Variants in AUTS2 observed in about 807,000 individuals in gnomAD.
AUTS2 encodes activator of transcription and developmental regulator AUTS2, also known as autism susceptibility gene 2 protein.
AUTS2 carries 17 observed loss-of-function variants against 112.4 expected under a neutral mutation model. That is an observed-to-expected ratio of 0.15 (90% confidence interval 0.10 to 0.23). AUTS2 has a LOEUF of 0.23. Ranked by LOEUF, AUTS2 falls within the 10% of genes least tolerant of loss-of-function variation. The probability of loss-of-function intolerance (pLI) is 1.00; values close to 1 mark genes in which losing one functional copy is unlikely to be tolerated. For synonymous variants in AUTS2, 751 were observed against 702.7 expected (o/e 1.07, Z -1.09); for missense variants, 1,510 against 1,701.6 (o/e 0.89, Z 1.98).
chr7:69,862,627 A>G (rs1408220873), intron 1 of AUTS2, among the ~76,000 whole-genome samples: 1 of 152,144 alleles, frequency 6.6e-6, no homozygotes, highest in Non-Finnish European at 1.5e-5. Context: ...ATGACATTGT[A>G]TCTTCAAAGT....
At chr7:70,462,850 G>A (rs1006922801) in intron 5 of AUTS2, among the ~76,000 whole-genome samples, 21 of 152,026 alleles carry the variant, frequency 1.4e-4, no homozygotes, top group African/African-American at 4.6e-4. Flanking sequence ...ACAGCTACTC[G>A]GGAGGCTGAG....
chr7:70,582,861 A>G (rs563178807), intron 5 of AUTS2, among the ~76,000 whole-genome samples: 5 of 152,258 alleles, frequency 3.3e-5, no homozygotes, highest in Non-Finnish European at 5.9e-5. Flanking sequence ...TATATAACCT[A>G]GATTATGTCC....
chr7:70,116,368 CA>C (rs1805357297), intron 2 of AUTS2, among the ~76,000 whole-genome samples: 1 of 152,068 alleles, frequency 6.6e-6, no homozygotes, highest in Non-Finnish European at 1.5e-5. Flanking sequence ...ATGGTATAAC[CA>C]AAAGTGAGGT....
chr7:70,204,519 C>T (rs989251756), intron 4 of AUTS2, among the ~76,000 whole-genome samples: 1 of 152,042 alleles, frequency 6.6e-6, no homozygotes, highest in Non-Finnish European at 1.5e-5. Flanking sequence ...ATAGAGATTT[C>T]TCAGAATTAA....
At chr7:69,722,249 G>A (rs1798994588) in intron 1 of AUTS2, among the ~76,000 whole-genome samples, 1 of 152,040 alleles carries the variant, frequency 6.6e-6, no homozygotes, top group South Asian at 2.1e-4. Context: ...TCTTGGAACT[G>A]TTCCTTTTTT....
intron 6 of AUTS2, chr7:70,729,052 C>T: frequency 2.4e-6 from 1 of 409,740 alleles, no homozygotes; most frequent in South Asian, 1.8e-5. Flanking sequence ...GAGCCACTTT[C>T]TGTTCTTTGT....
At chr7:70,380,062 G>T (rs1793298502) in intron 4 of AUTS2, among the ~76,000 whole-genome samples, 1 of 152,204 alleles carries the variant, frequency 6.6e-6, no homozygotes, top group Non-Finnish European at 1.5e-5. Context: ...CAAAGAGTCT[G>T]AAGTGGTTTG....
At chr7:70,136,653 G>C (rs944913004) in intron 4 of AUTS2, among the ~76,000 whole-genome samples, 3 of 152,148 alleles carry the variant, frequency 2.0e-5, no homozygotes, top group African/African-American at 7.2e-5. Context: ...CTCAGCTTCA[G>C]GTAAGTGAAA....
At chr7:70,552,522 G>GA (rs1262883728) in intron 5 of AUTS2, among the ~76,000 whole-genome samples, 1 of 152,170 alleles carries the variant, frequency 6.6e-6, no homozygotes, top group Non-Finnish European at 1.5e-5. Context: ...GTTGTGCTTG[G>GA]AAAATAGAAG....
chr7:70,554,393 CTT>C (rs34757734), intron 5 of AUTS2, among the ~76,000 whole-genome samples: 58 of 116,044 alleles, frequency 5.0e-4, no homozygotes, highest in Admixed American at 5.6e-4. Flanking sequence ...TCTTTTCTTT[CTT>C]TTTTTTTTTT....
At chr7:70,132,094 G>A (rs936494356) in intron 3 of AUTS2, among the ~76,000 whole-genome samples, 5 of 146,570 alleles carry the variant, frequency 3.4e-5, no homozygotes, top group African/African-American at 7.6e-5. Flanking sequence ...TCGATCACAA[G>A]AGGGTTTTTC....
chr7:69,696,482 G>A (rs756363978), intron 1 of AUTS2, among the ~76,000 whole-genome samples: 5 of 152,102 alleles, frequency 3.3e-5, no homozygotes, highest in African/African-American at 4.8e-5. Flanking sequence ...TGTCATTGAA[G>A]TCTCCATGTG....
chr7:70,295,275 T>C lies in AUTS2; in HGVS notation c.661-140477T>C, dbSNP rs116624850. Reference sequence around the variant, plus strand: ...GTGGCATTCTAGTGGCCTCCAAGAGTTGAGTACTTTATTCTGATCAGAGTC... The same window carrying C: ...GTGGCATTCTAGTGGCCTCCAAGAGCTGAGTACTTTATTCTGATCAGAGTC... On this transcript the variant is annotated intron_variant, in intron 4 of 18. Transcript: ENST00000342771. Among the ~76,000 whole-genome samples the C allele has an allele frequency of 2.2e-3, 339 of 152,212 alleles. 1 individual carries two copies. Among genetic ancestry groups the C allele is most frequent in the African/African-American group, 7.8e-3 (324 of 41,540 alleles).
At chr7:70,619,511 T>C (rs1804556064) in intron 5 of AUTS2, among the ~76,000 whole-genome samples, 1 of 152,006 alleles carries the variant, frequency 6.6e-6, no homozygotes, top group Non-Finnish European at 1.5e-5. Context: ...GATCTTTTGA[T>C]TTCCTTTCTT....
chr7:70,468,699 C>A (rs901042267), intron 5 of AUTS2, among the ~76,000 whole-genome samples: 1 of 152,064 alleles, frequency 6.6e-6, no homozygotes, highest in Non-Finnish European at 1.5e-5. Flanking sequence ...ATCCTAGACC[C>A]GGTCAGCATG....
At chr7:69,980,958 T>C (rs1015766792) in intron 2 of AUTS2, among the ~76,000 whole-genome samples, 1 of 152,232 alleles carries the variant, frequency 6.6e-6, no homozygotes, top group Non-Finnish European at 1.5e-5. Context: ...AAAAATGGTA[T>C]AACAACTTAC....
chr7:70,316,777 A>C (rs1273349965), intron 4 of AUTS2: 1 of 152,138 alleles, frequency 6.6e-6, no homozygotes, highest in Admixed American at 6.5e-5. Context: ...TCTTCAGGAA[A>C]TATAGTGCAA....
intron 4 of AUTS2, among the ~76,000 whole-genome samples, chr7:70,402,947 A>C (rs1460336012): frequency 6.6e-6 from 1 of 152,084 alleles, no homozygotes; most frequent in African/African-American, 2.4e-5. Flanking sequence ...TGGCATCCCT[A>C]GTTTGGATTT....
intron 4 of AUTS2, among the ~76,000 whole-genome samples, chr7:70,309,809 G>A (rs965391465): frequency 2.6e-5 from 4 of 152,194 alleles, no homozygotes; most frequent in African/African-American, 4.8e-5. Context: ...TTCATAAATA[G>A]CACATCAGCG....
Sources: allele counts gnomAD v4.1 joint callset (sites outside exome capture counted in the v4.1 genomes callset), GRCh38; gene constraint gnomAD v4.1.1; transcripts MANE v1.5; gene names NCBI Gene and HGNC (gene_info 2026-07-23, HGNC 2026-07-21).